CFAP70: variants seen among roughly 807,000 people sequenced by gnomAD.
The protein encoded by CFAP70 is cilia and flagella associated protein 70.
CFAP70 carries 81 observed loss-of-function variants against 137.6 expected under a neutral mutation model. The observed-to-expected ratio is 0.59, with a 90% CI of 0.49 to 0.71. The LOEUF is 0.71. Among genes scored for constraint, CFAP70 ranks in the 30% least tolerant of loss-of-function variants. The probability of loss-of-function intolerance (pLI) is 0.00; values close to 1 mark genes in which losing one functional copy is unlikely to be tolerated. For synonymous variants in CFAP70, 382 were observed against 423.6 expected, an observed-to-expected ratio of 0.90 and a Z score of 1.20; for missense variants, 976 against 1,226.7, an observed-to-expected ratio of 0.80 and a Z score of 3.05.
At chr10:73,302,301 G>A (rs2049008323) in intron 12 of CFAP70, among the ~76,000 whole-genome samples, 1 of 152,074 alleles carries the variant, frequency 6.6e-6, no homozygotes, top group African/African-American at 2.4e-5. Context: ...GGAGGGAGGA[G>A]TAAAGCCAGG....
At chr10:73,298,589 G>T (rs2048711330) in intron 14 of CFAP70, among the ~76,000 whole-genome samples, 1 of 152,160 alleles carries the variant, frequency 6.6e-6, no homozygotes, top group South Asian at 2.1e-4. Context: ...GAGGCAAGAA[G>T]AATTAATTAT....
chr10:73,347,411 A>G (rs2132479371), intron 4 of CFAP70, among the ~76,000 whole-genome samples: 1 of 152,346 alleles, frequency 6.6e-6, no homozygotes, highest in Non-Finnish European at 1.5e-5. Context: ...AAGGCAATAA[A>G]GAGTAGGAAT....
At chr10:73,353,451 T>G in intron 3 of CFAP70, 105 bp downstream of exon 3, 1 of 1,049,388 alleles carries the variant, frequency 9.5e-7, no homozygotes, top group Non-Finnish European at 1.4e-6. Context: ...TTTCTCATGA[T>G]TTTAGTTACA....
chr10:73,295,891 T>G (rs2048514727), intron 15 of CFAP70: 1 of 152,224 alleles, frequency 6.6e-6, no homozygotes, highest in African/African-American at 2.4e-5. Context: ...ATCTCTGTCT[T>G]GGGCAAAACC....
At chr10:73,310,219 A>G (rs1196828677) in exon 12 of CFAP70, 3 of 1,613,180 alleles carry the variant, frequency 1.9e-6, no homozygotes, top group Non-Finnish European at 2.5e-6. Context: ...TGAATTTCCA[A>G]CACAATGTAT....
At chr10:73,331,122 G>T in intron 8 of CFAP70, 55 bp downstream of exon 9, 2 of 1,240,376 alleles carry the variant, frequency 1.6e-6, no homozygotes, top group Non-Finnish European at 1.2e-6. Context: ...CAGAATAACA[G>T]GTCGGGTCTG....
intron 8 of CFAP70, among the ~76,000 whole-genome samples, chr10:73,328,113 A>G (rs1007587578): frequency 6.6e-6 from 1 of 152,186 alleles, no homozygotes; most frequent in Non-Finnish European, 1.5e-5. Context: ...GGTAACCAAA[A>G]CAGCATGGTA....
Position 73,284,287 on chromosome 10 carries a change from C to CT in CFAP70, c.2240-5951dup, listed in dbSNP as rs145312982. Among the ~76,000 whole-genome samples the CT allele has an allele frequency of 2.4e-3, 359 of 151,492 alleles. 15 individuals carry two copies. The South Asian group carries it at 0.067, about 28-fold the overall frequency. On this transcript the variant is annotated intron_variant, in intron 19 of 26. Transcript: ENST00000310715. ...CCCTCTGATTCCGTTATCACATTGT[C>CT]TTTTTTTTTGTCTGTGACTTCTCCT...
intron 8 of CFAP70, among the ~76,000 whole-genome samples, chr10:73,329,407 G>C (rs1184824441): frequency 6.6e-6 from 1 of 152,042 alleles, no homozygotes; most frequent in Non-Finnish European, 1.5e-5. Context: ...GAGTTAATGG[G>C]TGCAGCACAC....
At chr10:73,351,328 C>A (rs2054251240) in intron 3 of CFAP70, among the ~76,000 whole-genome samples, 1 of 151,754 alleles carries the variant, frequency 6.6e-6, no homozygotes, top group Admixed American at 6.6e-5. Flanking sequence ...CCGTGTTAGC[C>A]AGGATGGTCT....
chr10:73,259,858 C>CTT (rs1330528953), intron 25 of CFAP70, among the ~76,000 whole-genome samples: 1 of 151,900 alleles, frequency 6.6e-6, no homozygotes, highest in Non-Finnish European at 1.5e-5. Flanking sequence ...TGGTGAGACT[C>CTT]TGTCTCTACA....
intron 8 of CFAP70, among the ~76,000 whole-genome samples, chr10:73,325,043 C>T (rs1206777437): frequency 2.0e-5 from 3 of 151,990 alleles, no homozygotes; most frequent in Non-Finnish European, 2.9e-5. Flanking sequence ...GTCAGATTCA[C>T]CAAAGTTGAA....
chr10:73,304,189 G>A (rs944610355), intron 12 of CFAP70, among the ~76,000 whole-genome samples: 6 of 151,996 alleles, frequency 3.9e-5, no homozygotes, highest in Non-Finnish European at 8.8e-5. Context: ...AAGTAGCTGG[G>A]ACTACAGGCA....
intron 24 of CFAP70, among the ~76,000 whole-genome samples, chr10:73,271,308 T>A (rs1203528029): frequency 6.6e-6 from 1 of 152,166 alleles, no homozygotes; most frequent in Non-Finnish European, 1.5e-5. Flanking sequence ...GGACAGGAGT[T>A]TGAGACCAGC....
chr10:73,274,413 C>A lies in CFAP70; in HGVS notation c.2835+20G>T. 2 of 1,598,050 alleles carry A rather than the reference C, an allele frequency of 1.3e-6. No homozygotes were observed. The highest frequency in any genetic ancestry group is 1.7e-6 in the Non-Finnish European group (2 of 1,174,170). On this transcript the variant is annotated intron_variant, in intron 23 of 26. Coordinates refer to ENST00000310715, the Ensembl canonical transcript of CFAP70. ...TTAGTTCCCAGACCACGGGGTTATT[C>A]CCCATTCTCTACCCCTCACCTCTTT...
chr10:73,280,663 G>T (rs867705937), intron 19 of CFAP70, among the ~76,000 whole-genome samples: 1 of 152,070 alleles, frequency 6.6e-6, no homozygotes, highest in Non-Finnish European at 1.5e-5. Flanking sequence ...TGTCTGTCAA[G>T]GTATTCATAC....
At chr10:73,346,428 G>A (rs1325332513) in intron 4 of CFAP70, among the ~76,000 whole-genome samples, 3 of 151,694 alleles carry the variant, frequency 2.0e-5, no homozygotes, top group Admixed American at 2.0e-4. Context: ...CTGAGGTCAG[G>A]AGTTTGAGAT....
At chr10:73,357,142 A>T (rs2054742628) in intron 1 of CFAP70, among the ~76,000 whole-genome samples, 1 of 152,216 alleles carries the variant, frequency 6.6e-6, no homozygotes, top group Non-Finnish European at 1.5e-5. Flanking sequence ...GAATGAGAGA[A>T]GCAAGGAAAT....
intron 9 of CFAP70, among the ~76,000 whole-genome samples, chr10:73,314,373 ATCAC>A (rs1304799928): frequency 2.0e-5 from 3 of 152,220 alleles, no homozygotes; most frequent in East Asian, 1.9e-4. Context: ...AATACTAAAA[ATCAC>A]TCACAATCCT....
Sources: allele counts gnomAD v4.1 joint callset (sites outside exome capture counted in the v4.1 genomes callset), GRCh38; gene constraint gnomAD v4.1.1; transcripts MANE v1.5; gene names NCBI Gene and HGNC (gene_info 2026-07-23, HGNC 2026-07-21).